Variants in PDE3B observed in about 807,000 individuals in gnomAD.
PDE3B encodes the protein cGMP-inhibited 3',5'-cyclic phosphodiesterase 3B.
In PDE3B, 66 loss-of-function variants were observed where a neutral mutation model predicts 116.8. That is an observed-to-expected ratio of 0.56 (90% CI 0.46 to 0.69). PDE3B has a LOEUF of 0.69. Ranked by LOEUF, PDE3B falls within the 30% of genes least tolerant of loss-of-function variation. The probability of loss-of-function intolerance (pLI) is 0.00; values close to 1 mark genes in which losing one functional copy is unlikely to be tolerated. For missense variants in PDE3B, 1,384 were observed against 1,368.1 expected (o/e 1.01, Z -0.18); for synonymous variants, 595 against 533.6 (o/e 1.12, Z -1.59).
At chr11:14,813,435 A>G (rs1859216260) in intron 5 of PDE3B, among the ~76,000 whole-genome samples, 1 of 152,076 alleles carries the variant, frequency 6.6e-6, no homozygotes, top group Non-Finnish European at 1.5e-5. Context: ...GTCAGTCTGA[A>G]TCCTGACGCT....
chr11:14,684,579 G>T (rs1488607161), intron 1 of PDE3B, among the ~76,000 whole-genome samples: 1 of 152,134 alleles, frequency 6.6e-6, no homozygotes, highest in African/African-American at 2.4e-5. Flanking sequence ...CAGAGAACTG[G>T]TCTGACCTCA....
intron 1 of PDE3B, among the ~76,000 whole-genome samples, chr11:14,770,095 G>A (rs1012270389): frequency 3.3e-5 from 5 of 151,292 alleles, no homozygotes; most frequent in Non-Finnish European, 1.5e-5. Flanking sequence ...TGGTATTATT[G>A]TGGGAAAAGT....
intron 1 of PDE3B, among the ~76,000 whole-genome samples, chr11:14,740,521 T>C (rs1024477123): frequency 2.6e-5 from 4 of 151,870 alleles, no homozygotes; most frequent in African/African-American, 9.7e-5. Context: ...GCTAGCGGTC[T>C]GTCTATTTTG....
intron 12 of PDE3B, among the ~76,000 whole-genome samples, chr11:14,845,285 G>C (rs1167971614): frequency 2.0e-5 from 3 of 152,130 alleles, no homozygotes; most frequent in Non-Finnish European, 4.4e-5. Context: ...GGTCCTGTCT[G>C]TTAGAAGGAA....
chr11:14,711,157 T>A (rs1471253992), intron 1 of PDE3B, among the ~76,000 whole-genome samples: 1 of 152,226 alleles, frequency 6.6e-6, no homozygotes, highest in Admixed American at 6.5e-5. Context: ...AAAGAAAATT[T>A]GCAGTCTTAA....
intron 1 of PDE3B, among the ~76,000 whole-genome samples, chr11:14,708,799 G>A (rs953527745): frequency 6.6e-6 from 1 of 151,814 alleles, no homozygotes; most frequent in Non-Finnish European, 1.5e-5. Context: ...GAGAGAGAAT[G>A]TAGGTGTATG....
the PDE3B span, among the ~76,000 whole-genome samples, chr11:14,888,699 CA>C: frequency 6.6e-6 from 1 of 152,168 alleles, no homozygotes; most frequent in Non-Finnish European, 1.5e-5. Context: ...TGCTAAATTA[CA>C]AACTCCTTAG....
chr11:14,646,885 C>G (rs1996845), intron 1 of PDE3B, among the ~76,000 whole-genome samples: 1 of 151,952 alleles, frequency 6.6e-6, no homozygotes, highest in African/African-American at 2.4e-5. Flanking sequence ...GCAGAAAACC[C>G]TTATTCACAT....
At chr11:14,781,392 A>G (rs1409047506) in intron 2 of PDE3B, among the ~76,000 whole-genome samples, 3 of 152,374 alleles carry the variant, frequency 2.0e-5, no homozygotes, top group East Asian at 1.9e-4. Flanking sequence ...CCTGATGAAC[A>G]TCGATGCAAA....
chr11:14,668,114 G>A (rs1194824938), intron 1 of PDE3B, among the ~76,000 whole-genome samples: 1 of 151,914 alleles, frequency 6.6e-6, no homozygotes, highest in Non-Finnish European at 1.5e-5. Context: ...AGACATCCAG[G>A]TAAGAGGACA....
chr11:14,871,091 AT>A lies in PDE3B; in HGVS notation c.*1435del. On this transcript the variant is annotated 3_prime_UTR_variant, in exon 16 of 16. Transcript: ENST00000282096. ...AATTTTGCACACAGTGAAACCATTAATTTTCCAAGGTAATTCCTTTAGAATA... is the reference window on the plus strand; with the variant it reads ...AATTTTGCACACAGTGAAACCATTAATTTCCAAGGTAATTCCTTTAGAATA... The A allele has an allele frequency of 6.6e-6, 1 of 152,236 alleles. No homozygotes were observed. Among genetic ancestry groups the A allele is most frequent in the East Asian group, 1.9e-4 (1 of 5,188 alleles). The allele number at this position is 152,236 out of a possible 1,614,324, so 9.4% of individuals were successfully genotyped here.
chr11:14,892,225 G>C, the PDE3B span: 37 of 1,602,856 alleles, frequency 2.3e-5, no homozygotes, highest in Non-Finnish European at 2.9e-5. Flanking sequence ...CTGGAGGTGC[G>C]AACTCCACAG....
chr11:14,725,313 T>TTCTTTC (rs1565109691), intron 1 of PDE3B, among the ~76,000 whole-genome samples: 9 of 67,106 alleles, frequency 1.3e-4, no homozygotes, highest in African/African-American at 2.2e-4. Context: ...TTCTTTCTCT[T>TTCTTTC]TCTTTCTTTC....
chr11:14,872,843 C>T (rs1241555891), downstream of PDE3B, among the ~76,000 whole-genome samples: 1 of 152,172 alleles, frequency 6.6e-6, no homozygotes, highest in Non-Finnish European at 1.5e-5. Flanking sequence ...GGATGCAGAA[C>T]CTGCCAATGC....
At chr11:14,667,400 A>T (rs1200701993) in intron 1 of PDE3B, among the ~76,000 whole-genome samples, 1 of 151,506 alleles carries the variant, frequency 6.6e-6, no homozygotes, top group South Asian at 2.1e-4. Flanking sequence ...TAACCTGCAC[A>T]TTGTGCACAT....
At chr11:14,850,472 A>G (rs922184090) in intron 12 of PDE3B, among the ~76,000 whole-genome samples, 1 of 152,128 alleles carries the variant, frequency 6.6e-6, no homozygotes, top group Non-Finnish European at 1.5e-5. Context: ...CATGTACCCT[A>G]AAACTTAAAG....
At chr11:14,892,558 C>T in the PDE3B span, among the ~76,000 whole-genome samples, 1 of 152,176 alleles carries the variant, frequency 6.6e-6, no homozygotes, top group Admixed American at 6.5e-5. Flanking sequence ...TGGGGCCAGA[C>T]CTTTCTTAAA....
At chr11:14,782,450 G>C (rs763938016) in intron 2 of PDE3B, among the ~76,000 whole-genome samples, 1 of 151,932 alleles carries the variant, frequency 6.6e-6, no homozygotes, top group Non-Finnish European at 1.5e-5. Flanking sequence ...CTCAGAAATA[G>C]TACCACACAT....
At chr11:14,796,085 C>T (rs1197377844) in intron 4 of PDE3B, among the ~76,000 whole-genome samples, 1 of 152,090 alleles carries the variant, frequency 6.6e-6, no homozygotes, top group Non-Finnish European at 1.5e-5. Context: ...TCCATGTGTT[C>T]TCATTGTTCA....
Sources: gnomAD v4.1 joint callset for allele counts (sites outside exome capture counted in the v4.1 genomes callset) on GRCh38, gnomAD v4.1.1 for gene constraint, MANE v1.5 for transcripts, NCBI Gene and HGNC (gene_info 2026-07-23, HGNC 2026-07-21) for gene names.